ME3: variants seen among roughly 807,000 people sequenced by gnomAD.
ME3 encodes the protein NADP-dependent malic enzyme, mitochondrial.
In ME3, 48 loss-of-function variants were observed where a neutral mutation model predicts 68.9. The ratio of observed to expected loss-of-function variants is 0.70; its 90% CI spans 0.55 to 0.89. The LOEUF (loss-of-function observed/expected upper bound fraction) is 0.89. Among genes scored for constraint, ME3 ranks in the 40% least tolerant of loss-of-function variants. The pLI, the probability that ME3 is intolerant of heterozygous loss-of-function variation, is 0.00. For missense variants in ME3, 675 were observed against 797.4 expected (o/e 0.85, Z 1.85); for synonymous variants, 320 against 318.8 (o/e 1.00, Z -0.04).
intron 6 of ME3, among the ~76,000 whole-genome samples, chr11:86,495,658 G>A (rs1459064727): frequency 6.6e-6 from 1 of 152,202 alleles, no homozygotes; most frequent in South Asian, 2.1e-4. Flanking sequence ...ATATCTGGCT[G>A]GGGGAAGGGC....
intron 2 of ME3, among the ~76,000 whole-genome samples, chr11:86,561,210 TTTTTTG>T (rs1268130259): frequency 6.6e-5 from 10 of 152,038 alleles, no homozygotes; most frequent in Admixed American, 3.3e-4. Flanking sequence ...GGTTGGTTGT[TTTTTTG>T]TTTTTGTTTT....
chr11:86,490,827 A>G (rs180816576), intron 6 of ME3, among the ~76,000 whole-genome samples: 1 of 152,326 alleles, frequency 6.6e-6, no homozygotes, highest in Admixed American at 6.5e-5. Flanking sequence ...ATCTTAGTGC[A>G]TCAAGCAGCA....
At chr11:86,623,349 C>A (rs1017015136) in intron 2 of ME3, among the ~76,000 whole-genome samples, 1 of 152,168 alleles carries the variant, frequency 6.6e-6, no homozygotes, top group African/African-American at 2.4e-5. Context: ...CATTCTCAGG[C>A]CTTTGAACTC....
intron 2 of ME3, among the ~76,000 whole-genome samples, chr11:86,658,155 C>T (rs1030554374): frequency 1.3e-5 from 2 of 150,790 alleles, no homozygotes; most frequent in African/African-American, 4.9e-5. Flanking sequence ...GAGACAATCT[C>T]ATGCTGTCGC....
chr11:86,663,123 G>C (rs1483721649), intron 2 of ME3, among the ~76,000 whole-genome samples: 1 of 152,210 alleles, frequency 6.6e-6, no homozygotes, highest in Non-Finnish European at 1.5e-5. Context: ...ACTACCAAAA[G>C]ATGACACAGA....
chr11:86,448,740 A>G (rs1055025252), intron 10 of ME3, among the ~76,000 whole-genome samples: 1 of 152,234 alleles, frequency 6.6e-6, no homozygotes, highest in South Asian at 2.1e-4. Context: ...TTAGAATGAC[A>G]GGCCATGCCC....
At chr11:86,645,648 C>G (rs1944960117) in intron 2 of ME3, among the ~76,000 whole-genome samples, 1 of 152,306 alleles carries the variant, frequency 6.6e-6, no homozygotes, top group Non-Finnish European at 1.5e-5. Context: ...ATGTTCCTGC[C>G]TGCCGGCTCT....
At chr11:86,546,897 C>G (rs1477502219) in intron 4 of ME3, among the ~76,000 whole-genome samples, 1 of 151,614 alleles carries the variant, frequency 6.6e-6, no homozygotes, top group Non-Finnish European at 1.5e-5. Flanking sequence ...TTCACTATAG[C>G]AAAGACTTGG....
At chr11:86,492,798 C>T (rs1183507435) in intron 6 of ME3, among the ~76,000 whole-genome samples, 2 of 152,246 alleles carry the variant, frequency 1.3e-5, no homozygotes, top group Admixed American at 6.5e-5. Flanking sequence ...TCCTCCTCTT[C>T]ACTGCCCATA....
At chr11:86,436,789 C>T (rs1279992091), downstream of ME3, 2 of 152,102 alleles carry the variant, frequency 1.3e-5, no homozygotes, top group South Asian at 2.1e-4. Flanking sequence ...AAAAGACTCT[C>T]TTTCCCCCAA....
At chr11:86,614,296 C>T (rs1942800199) in intron 2 of ME3, among the ~76,000 whole-genome samples, 1 of 152,210 alleles carries the variant, frequency 6.6e-6, no homozygotes, top group African/African-American at 2.4e-5. Flanking sequence ...TATTACAACA[C>T]TGGAGACTGC....
At chr11:86,654,851 T>C (rs1360044217) in intron 2 of ME3, among the ~76,000 whole-genome samples, 1 of 152,136 alleles carries the variant, frequency 6.6e-6, no homozygotes, top group Admixed American at 6.5e-5. Flanking sequence ...GAAAACCCCA[T>C]CGTCTCAGCC....
At chr11:86,472,009 G>T (rs1385850791) in intron 7 of ME3, among the ~76,000 whole-genome samples, 1 of 152,214 alleles carries the variant, frequency 6.6e-6, no homozygotes, top group Non-Finnish European at 1.5e-5. Context: ...CTGCAGCGGG[G>T]AGAGGCAATG....
At chr11:86,537,136 T>TGGG (rs1955728618) in intron 4 of ME3, among the ~76,000 whole-genome samples, 1 of 74,080 alleles carries the variant, frequency 1.3e-5, no homozygotes, top group Non-Finnish European at 2.6e-5. Context: ...GGGACTGTTG[T>TGGG]GGGGTGGGGG....
rs916925092 is a variant in ME3, at chr11:86,497,262, G to A, written c.705+701C>T. 8.5e-5 allele frequency among the ~76,000 whole-genome samples: 13 copies of A among 152,328 alleles called. No individual in the cohort carries two copies. In the East Asian group the frequency reaches 1.7e-3, roughly 20 times the overall value. ...AGCCTCCCAAAGTGCTGGGAACACAGGCGTGAGTGACTGTGCCCGGCCTCA... is the reference window on the plus strand; with the variant it reads ...AGCCTCCCAAAGTGCTGGGAACACAAGCGTGAGTGACTGTGCCCGGCCTCA... On this transcript the variant is annotated intron_variant, in intron 6 of 14. Transcript: ENST00000543262.
At chr11:86,529,378 CA>C (rs952309922) in intron 4 of ME3, among the ~76,000 whole-genome samples, 5 of 151,940 alleles carry the variant, frequency 3.3e-5, no homozygotes, top group African/African-American at 9.7e-5. Context: ...GCTTACCAAC[CA>C]AAAAAAGTCC....
intron 2 of ME3, among the ~76,000 whole-genome samples, chr11:86,637,299 C>T (rs1249205412): frequency 1.4e-5 from 2 of 141,910 alleles, no homozygotes; most frequent in Non-Finnish European, 3.0e-5. Context: ...TTGGGAGATC[C>T]TATTATAGTA....
intron 2 of ME3, among the ~76,000 whole-genome samples, chr11:86,651,866 C>T (rs574751556): frequency 6.6e-6 from 1 of 152,236 alleles, no homozygotes; most frequent in South Asian, 2.1e-4. Context: ...AGACGAATGG[C>T]TAACTGAATA....
At chr11:86,567,243 AAAGG>A (rs149764846) in intron 2 of ME3, among the ~76,000 whole-genome samples, 6,980 of 144,540 alleles carry the variant, frequency 0.048, 210 homozygotes, top group Non-Finnish European at 0.067. Flanking sequence ...GAAAAGAAAG[AAAGG>A]AAGGAAGGAA....
Sources: allele counts gnomAD v4.1 joint callset (sites outside exome capture counted in the v4.1 genomes callset), GRCh38; gene constraint gnomAD v4.1.1; transcripts MANE v1.5; gene names NCBI Gene and HGNC (gene_info 2026-07-23, HGNC 2026-07-21).